ACSS1: variants seen among roughly 807,000 people sequenced by gnomAD.
The protein encoded by ACSS1 is acyl-CoA synthetase short chain family member 1, also known as acetyl-coenzyme A synthetase 2-like, mitochondrial.
A neutral mutation model predicts 75.3 loss-of-function variants in ACSS1; 42 were observed. That is an observed-to-expected ratio of 0.56 (90% confidence interval 0.44 to 0.72). ACSS1 has a LOEUF of 0.72. Among genes scored for constraint, ACSS1 ranks in the 30% least tolerant of loss-of-function variants. ACSS1 has a pLI of 0.00. For missense variants in ACSS1, 782 were observed against 935.7 expected, an observed-to-expected ratio of 0.84 and a Z score of 2.14; for synonymous variants, 380 against 376.8, an observed-to-expected ratio of 1.01 and a Z score of -0.10.
chr20:25,057,200 C>T (rs935957626), intron 1 of ACSS1, among the ~76,000 whole-genome samples: 1 of 152,236 alleles, frequency 6.6e-6, no homozygotes, highest in Non-Finnish European at 1.5e-5. Flanking sequence ...CCCAGGCCCG[C>T]AGCGAAGAAA....
intron 5 of ACSS1, among the ~76,000 whole-genome samples, chr20:25,021,742 T>C (rs6050253): frequency 2.6e-5 from 4 of 152,172 alleles, no homozygotes; most frequent in African/African-American, 7.2e-5. Flanking sequence ...CCTTTTTGCA[T>C]TACCTTATGC....
At chr20:25,035,930 C>T (rs1337925391) in intron 2 of ACSS1, among the ~76,000 whole-genome samples, 3 of 152,196 alleles carry the variant, frequency 2.0e-5, no homozygotes, top group African/African-American at 7.2e-5. Flanking sequence ...CGAAATGTTA[C>T]TGTTTCTGTA....
chr20:25,047,991 G>A, intron 2 of ACSS1, 94 bp downstream of exon 2: 1 of 1,125,822 alleles, frequency 8.9e-7, no homozygotes, highest in Non-Finnish European at 1.3e-6. Flanking sequence ...TGCACTCCCT[G>A]AGACTCAGAC....
chr20:25,019,484 AC>A (rs1202145404), intron 7 of ACSS1, among the ~76,000 whole-genome samples: 1 of 152,226 alleles, frequency 6.6e-6, no homozygotes, highest in African/African-American at 2.4e-5. Flanking sequence ...AAAAGGTCCA[AC>A]TATGGGGCAG....
rs1285844370 is a variant in ACSS1, at chr20:25,006,784, G to A, written c.*978C>T. Reference sequence around the variant, plus strand: ...TCCAGACCTCCAAGTCTCATCATTGGACCTCAGTGGTTCTCACCGCCCCAA... The same window carrying A: ...TCCAGACCTCCAAGTCTCATCATTGAACCTCAGTGGTTCTCACCGCCCCAA... On this transcript the variant is annotated 3_prime_UTR_variant, in exon 14 of 14. Transcript: ENST00000323482. 6.6e-7 allele frequency: 1 copy of A among 1,505,800 alleles called. No individual in the cohort carries two copies. Among genetic ancestry groups the A allele is most frequent in the African/African-American group, 1.4e-5 (1 of 72,306 alleles). The allele number at this position is 1,505,800 out of a possible 1,614,324, so 93.3% of individuals were successfully genotyped here.
At chr20:25,038,547 A>G (rs1192657512) in intron 2 of ACSS1, among the ~76,000 whole-genome samples, 1 of 152,216 alleles carries the variant, frequency 6.6e-6, no homozygotes, top group Non-Finnish European at 1.5e-5. Context: ...CCTCCTTCTC[A>G]GGAGGGCAGG....
At chr20:25,028,598 C>T (rs2088769289) in intron 3 of ACSS1, among the ~76,000 whole-genome samples, 1 of 152,156 alleles carries the variant, frequency 6.6e-6, no homozygotes, top group African/African-American at 2.4e-5. Flanking sequence ...TTACCTCACA[C>T]CCTGTACAAA....
rs2088658367 is a variant in ACSS1 at position 25,023,329 on chromosome 20, C to T, written c.807+137G>A. On this transcript the variant is annotated intron_variant, in intron 4 of 13. Coordinates refer to ENST00000323482, the MANE Select transcript of ACSS1 (RefSeq NM_032501.4). ...AGGAGTTTTATCTTCCCAGTCAGGACTCAAGCTCACCAAATACCACAGAGG... is the reference window on the plus strand; with the variant it reads ...AGGAGTTTTATCTTCCCAGTCAGGATTCAAGCTCACCAAATACCACAGAGG... 5.2e-6 allele frequency: 6 copies of T among 1,147,986 alleles called. No homozygotes were observed. In the East Asian group the frequency reaches 1.5e-4, roughly 30 times the overall value. The allele number at this position is 1,147,986 out of a possible 1,614,324, so 71.1% of individuals were successfully genotyped here. A position where few individuals can be genotyped will look rare whatever the true frequency, so the allele number is the denominator to read the frequency against.
intron 10 of ACSS1, 117 bp from the exon 11 acceptor site, chr20:25,013,056 C>A: frequency 7.0e-7 from 1 of 1,434,808 alleles, no homozygotes; most frequent in South Asian, 1.3e-5. Flanking sequence ...CCCATCGGCC[C>A]TCCTTGCAAC....
intron 2 of ACSS1, among the ~76,000 whole-genome samples, chr20:25,039,211 A>C (rs920170139): frequency 1.3e-5 from 2 of 152,072 alleles, no homozygotes; most frequent in Non-Finnish European, 2.9e-5. Context: ...AGGCATAGAG[A>C]AGTTGGGCCA....
At chr20:25,050,384 C>T (rs542388378) in intron 1 of ACSS1, among the ~76,000 whole-genome samples, 2 of 152,018 alleles carry the variant, frequency 1.3e-5, no homozygotes, top group South Asian at 4.2e-4. Flanking sequence ...CTGTCTGCAC[C>T]CACCATCCCC....
chr20:25,008,847 G>A (rs765680484), intron 13 of ACSS1, among the ~76,000 whole-genome samples: 6 of 152,170 alleles, frequency 3.9e-5, no homozygotes, highest in Non-Finnish European at 8.8e-5. Context: ...GCCAACATAC[G>A]AGAGCAGAAG....
intron 3 of ACSS1, among the ~76,000 whole-genome samples, chr20:25,028,185 C>A (rs1007316093): frequency 6.6e-6 from 1 of 152,102 alleles, no homozygotes; most frequent in African/African-American, 2.4e-5. Context: ...ATGGCAATAC[C>A]TTCCAATTTT....
chr20:25,048,030 C>T (rs2122751147), intron 2 of ACSS1, 55 bp downstream of exon 2: 4 of 1,541,960 alleles, frequency 2.6e-6, no homozygotes, highest in Non-Finnish European at 3.6e-6. Flanking sequence ...AGACTCAGCA[C>T]ACAGGACTGG....
At chr20:25,031,797 T>A (rs1468069732) in intron 2 of ACSS1, among the ~76,000 whole-genome samples, 5 of 152,196 alleles carry the variant, frequency 3.3e-5, no homozygotes, top group Non-Finnish European at 5.9e-5. Context: ...TAGATCATCA[T>A]GGTTCCAAAA....
intron 13 of ACSS1, among the ~76,000 whole-genome samples, chr20:25,008,811 C>T (rs1456168652): frequency 6.6e-6 from 1 of 152,236 alleles, no homozygotes; most frequent in Non-Finnish European, 1.5e-5. Context: ...CACCAGCAGC[C>T]CCATTTCTGT....
intron 2 of ACSS1, among the ~76,000 whole-genome samples, chr20:25,047,357 G>A (rs1190647159): frequency 6.6e-6 from 1 of 151,716 alleles, no homozygotes; most frequent in African/African-American, 2.4e-5. Context: ...TTGGCCCACA[G>A]GACCTCAGCT....
intron 4 of ACSS1, 148 bp from the exon 5 acceptor site, chr20:25,023,240 A>G: frequency 8.3e-7 from 1 of 1,211,176 alleles, no homozygotes; most frequent in Non-Finnish European, 1.1e-6. Context: ...TGGAAAGGAC[A>G]CAAAACAAAA....
At chr20:25,023,931 C>T (rs573596069) in intron 3 of ACSS1, among the ~76,000 whole-genome samples, 1 of 152,310 alleles carries the variant, frequency 6.6e-6, no homozygotes, top group South Asian at 2.1e-4. Context: ...AATTTCCCAA[C>T]CAGACTTCCA....
Sources: gnomAD v4.1 joint callset for allele counts (sites outside exome capture counted in the v4.1 genomes callset) on GRCh38, gnomAD v4.1.1 for gene constraint, MANE v1.5 for transcripts, NCBI Gene and HGNC (gene_info 2026-07-23, HGNC 2026-07-21) for gene names.